Variants in DNAAF5 observed in about 807,000 individuals in gnomAD.
DNAAF5 encodes dynein axonemal assembly factor 5, also known as HEAT repeat containing 2.
Under a neutral mutation model 75.8 loss-of-function variants are expected in DNAAF5, and 64 were observed. The observed-to-expected ratio is 0.84, with a 90% CI of 0.69 to 1.04. The LOEUF (loss-of-function observed/expected upper bound fraction) is 1.04, where lower values mean the gene tolerates loss of function less well. DNAAF5 is among the 50% of genes least tolerant of loss of function. The pLI is 0.00. For synonymous variants in DNAAF5, 657 were observed against 557.2 expected (o/e 1.18, Z -2.52); for missense variants, 1,269 against 1,178.5 (o/e 1.08, Z -1.12).
rs1436730596 is a variant in DNAAF5, at chr7:775,017, G to A, written c.2094G>A (p.Val698=). Residue 698 remains valine, a synonymous_variant, in exon 11 of 13, where the codon GTG becomes GTA. Transcript: ENST00000297440. The stretch of plus-strand genomic sequence containing the variant: ...TTTGCTGATTGCAGATACGGGACGT[G>A]CAGGAAACACTGATGCCCCAGGTCC... The part of the protein sequence containing the change: ...EVLSAEQIRD[V]QETLMPQVLT... 2 of 1,613,802 alleles carry A rather than the reference G, an allele frequency of 1.2e-6. No homozygotes were observed. Among genetic ancestry groups the A allele is most frequent in the Non-Finnish European group, 1.7e-6 (2 of 1,179,962 alleles).
At chr7:758,016 C>T (rs1287262981) in intron 6 of DNAAF5, among the ~76,000 whole-genome samples, 2 of 152,208 alleles carry the variant, frequency 1.3e-5, no homozygotes, top group Non-Finnish European at 2.9e-5. Context: ...GTAAGCAGTT[C>T]CTGGAATACA....
At chr7:769,269 G>C (rs565822514) in intron 8 of DNAAF5, 247 of 711,746 alleles carry the variant, frequency 3.5e-4, no homozygotes, top group African/African-American at 3.3e-3. Flanking sequence ...GGGCCAGAGC[G>C]CCTCCTTCTG....
At chr7:729,485 C>T (rs1309441752) in intron 1 of DNAAF5, among the ~76,000 whole-genome samples, 178 bp from the exon 2 acceptor site, 1 of 152,178 alleles carries the variant, frequency 6.6e-6, no homozygotes, top group African/African-American at 2.4e-5. Flanking sequence ...CTGTGCCGGG[C>T]GGTACAGAGC....
intron 2 of DNAAF5, among the ~76,000 whole-genome samples, chr7:739,717 C>T (rs1298495530): frequency 2.0e-5 from 3 of 152,214 alleles, no homozygotes; most frequent in Non-Finnish European, 4.4e-5. Context: ...CATTCTTTCC[C>T]ATCTTCCAGG....
At chr7:781,613 ATTT>A (rs1778945656) in intron 12 of DNAAF5, among the ~76,000 whole-genome samples, 1 of 152,114 alleles carries the variant, frequency 6.6e-6, no homozygotes, top group South Asian at 2.1e-4. Context: ...AGCGGTGCTC[ATTT>A]ACATTCCCAC....
chr7:768,971 G>C, intron 8 of DNAAF5: 2 of 584,614 alleles, frequency 3.4e-6, no homozygotes, highest in East Asian at 2.8e-5. Context: ...GCTCAAGTCA[G>C]GCGTCCCAGC....
chr7:742,030 A>G (rs1185799401), intron 4 of DNAAF5, among the ~76,000 whole-genome samples: 3 of 152,140 alleles, frequency 2.0e-5, no homozygotes, highest in Non-Finnish European at 1.5e-5. Flanking sequence ...ACCCATGTGC[A>G]TCTCTCCGCA....
intron 11 of DNAAF5, among the ~76,000 whole-genome samples, chr7:776,937 G>T (rs575154156): frequency 1.6e-4 from 25 of 152,184 alleles, no homozygotes; most frequent in Non-Finnish European, 2.9e-4. Flanking sequence ...TGTCAGATCG[G>T]CAACGGCATT....
chr7:764,182 C>T (rs1410661147), intron 8 of DNAAF5, among the ~76,000 whole-genome samples: 1 of 152,256 alleles, frequency 6.6e-6, no homozygotes, highest in Non-Finnish European at 1.5e-5. Flanking sequence ...CGCAGCTCTT[C>T]CACTTGGCCC....
intron 8 of DNAAF5, among the ~76,000 whole-genome samples, chr7:766,307 A>C (rs1782820167): frequency 2.0e-5 from 3 of 152,154 alleles, no homozygotes; most frequent in Admixed American, 6.6e-5. Context: ...TGTTTTTCTA[A>C]GCTTTCTCTA....
At position 727,115 on chromosome 7, in the gene DNAAF5, G is replaced by A; in HGVS notation, c.395G>A (p.Arg132His). 1 of 1,120,268 alleles carries A rather than the reference G, an allele frequency of 8.9e-7. No homozygotes were observed. The allele number at this position is 1,120,268 out of a possible 1,614,324, so 69.4% of individuals were successfully genotyped here. The change falls in exon 1 of 13, where the codon CGC (arginine) becomes CAC (histidine). Residue 132 changes from arginine (R) to histidine (H), a missense_variant. Transcript: ENST00000297440. ...CGCTTGGCCGGCCCCGTGCCCGCGC[G>A]CCGCCCGCCCGAGGCCTGTGAGGAG... ...AARLAGPVPA[R>H]RPPEACEELR...
intron 1 of DNAAF5, among the ~76,000 whole-genome samples, chr7:728,812 C>T (rs1781457414): frequency 2.0e-5 from 3 of 152,078 alleles, no homozygotes; most frequent in African/African-American, 7.2e-5. Context: ...TCTCCAGCAC[C>T]TCTGGCCTTC....
At chr7:748,571 C>T (rs1195993676) in intron 4 of DNAAF5, among the ~76,000 whole-genome samples, 2 of 152,186 alleles carry the variant, frequency 1.3e-5, no homozygotes, top group South Asian at 2.1e-4. Flanking sequence ...CTCCAGCTCC[C>T]GCTCCTCTCC....
chr7:750,409 C>G (rs528398653), intron 4 of DNAAF5, among the ~76,000 whole-genome samples: 8 of 152,228 alleles, frequency 5.3e-5, no homozygotes, highest in Non-Finnish European at 7.3e-5. Flanking sequence ...CCAGCGGTCC[C>G]CTGCCATTTT....
chr7:760,575 A>C (rs530940723), intron 6 of DNAAF5, among the ~76,000 whole-genome samples: 8 of 152,236 alleles, frequency 5.3e-5, no homozygotes, highest in Non-Finnish European at 8.8e-5. Flanking sequence ...ACTTAAGGCT[A>C]GGAGTTTGAG....
intron 7 of DNAAF5, among the ~76,000 whole-genome samples, chr7:762,504 AGTGCAT>A (rs972229772): frequency 1.1e-4 from 17 of 151,106 alleles, no homozygotes; most frequent in East Asian, 3.9e-4. Context: ...AAAAAAAAAA[AGTGCAT>A]GTGCATGTGT....
chr7:736,825 G>T (rs1781753233), intron 2 of DNAAF5, among the ~76,000 whole-genome samples: 1 of 148,904 alleles, frequency 6.7e-6, no homozygotes, highest in South Asian at 2.2e-4. Flanking sequence ...ATTTTCTCTG[G>T]CGGTATGTTT....
At chr7:727,577 T>G in intron 1 of DNAAF5, 8 of 192,040 alleles carry the variant, frequency 4.2e-5, no homozygotes, top group East Asian at 1.1e-4. Flanking sequence ...CCTTGTCCTC[T>G]ACCCCCATGT....
chr7:753,497 G>A (rs1167546252), intron 4 of DNAAF5, among the ~76,000 whole-genome samples: 1 of 152,260 alleles, frequency 6.6e-6, no homozygotes, highest in Non-Finnish European at 1.5e-5. Context: ...GAAGGACGCA[G>A]CTGTCACCCC....
Sources: allele counts gnomAD v4.1 joint callset (sites outside exome capture counted in the v4.1 genomes callset), GRCh38; gene constraint gnomAD v4.1.1; transcripts MANE v1.5; gene names NCBI Gene and HGNC (gene_info 2026-07-23, HGNC 2026-07-21).